Variants in ITGA9 observed in about 807,000 individuals in gnomAD.
ITGA9 encodes the protein integrin alpha-9.
A neutral mutation model predicts 127.8 loss-of-function variants in ITGA9; 56 were observed. The ratio of observed to expected loss-of-function variants is 0.44; its 90% confidence interval spans 0.35 to 0.55. ITGA9 has a LOEUF of 0.55. ITGA9 is among the 20% of genes least tolerant of loss of function. ITGA9 has a pLI of 0.00. For synonymous variants in ITGA9, 508 were observed against 514.5 expected, an observed-to-expected ratio of 0.99 and a Z score of 0.17; for missense variants, 1,196 against 1,347.1, an observed-to-expected ratio of 0.89 and a Z score of 1.76.
chr3:37,689,069 G>A (rs1423726988), intron 18 of ITGA9, among the ~76,000 whole-genome samples: 1 of 151,814 alleles, frequency 6.6e-6, no homozygotes, highest in Non-Finnish European at 1.5e-5. Context: ...TGGATGGGTG[G>A]GCGGGTAGGT....
intron 18 of ITGA9, among the ~76,000 whole-genome samples, chr3:37,730,683 C>T (rs1696279900): frequency 6.6e-6 from 1 of 152,158 alleles, no homozygotes; most frequent in Admixed American, 6.5e-5. Flanking sequence ...ACTCAGCTAC[C>T]CAGTGCATGC....
At chr3:37,561,110 A>G (rs1341359755) in intron 15 of ITGA9, among the ~76,000 whole-genome samples, 2 of 152,218 alleles carry the variant, frequency 1.3e-5, no homozygotes, top group Non-Finnish European at 2.9e-5. Context: ...ATACAGCCCC[A>G]TTCTGAGGTA....
intron 17 of ITGA9, among the ~76,000 whole-genome samples, chr3:37,675,185 G>GC (rs551519089): frequency 2.0e-5 from 3 of 152,272 alleles, no homozygotes; most frequent in Admixed American, 1.3e-4. Flanking sequence ...TAGATGTGCA[G>GC]CCCCCCGCCT....
At chr3:37,661,558 A>G (rs1056788973) in intron 17 of ITGA9, among the ~76,000 whole-genome samples, 1 of 152,226 alleles carries the variant, frequency 6.6e-6, no homozygotes. Flanking sequence ...GGAAGATACA[A>G]TCAGTTAAGT....
intron 23 of ITGA9, among the ~76,000 whole-genome samples, chr3:37,767,309 C>T (rs926491192): frequency 6.6e-6 from 1 of 152,192 alleles, no homozygotes; most frequent in Non-Finnish European, 1.5e-5. Flanking sequence ...CAGATTTGAT[C>T]TCAGTAACAC....
At chr3:37,461,058 G>A (rs1454461987) in intron 1 of ITGA9, among the ~76,000 whole-genome samples, 1 of 152,068 alleles carries the variant, frequency 6.6e-6, no homozygotes, top group Non-Finnish European at 1.5e-5. Context: ...TTGGTGTTGT[G>A]CAGTACACAC....
chr3:37,674,573 G>A (rs1331551406), intron 17 of ITGA9, among the ~76,000 whole-genome samples: 1 of 152,172 alleles, frequency 6.6e-6, no homozygotes, highest in African/African-American at 2.4e-5. Context: ...AACAAGGGTG[G>A]TATCTTGTGT....
At chr3:37,566,209 G>C (rs1699545662) in intron 15 of ITGA9, among the ~76,000 whole-genome samples, 1 of 152,232 alleles carries the variant, frequency 6.6e-6, no homozygotes, top group African/African-American at 2.4e-5. Flanking sequence ...GCCTGAAACT[G>C]TGGGTAGTCC....
chr3:37,739,455 C>T (rs575337805), intron 20 of ITGA9, among the ~76,000 whole-genome samples: 69 of 152,336 alleles, frequency 4.5e-4, no homozygotes, highest in Middle Eastern at 3.4e-3. Context: ...CCTGCTATGA[C>T]GGAAAGATCC....
At chr3:37,685,223 G>A (rs1451907026) in intron 18 of ITGA9, among the ~76,000 whole-genome samples, 4 of 152,152 alleles carry the variant, frequency 2.6e-5, no homozygotes, top group Non-Finnish European at 4.4e-5. Context: ...CCTCAATAGT[G>A]TTGACAGGTT....
intron 16 of ITGA9, among the ~76,000 whole-genome samples, chr3:37,653,352 A>G (rs888030376): frequency 1.3e-5 from 2 of 152,184 alleles, no homozygotes; most frequent in African/African-American, 4.8e-5. Context: ...TTCTTTACTC[A>G]ACTGGATTAT....
intron 15 of ITGA9, among the ~76,000 whole-genome samples, chr3:37,545,011 G>A (rs1699311559): frequency 6.6e-6 from 1 of 152,262 alleles, no homozygotes; most frequent in Non-Finnish European, 1.5e-5. Flanking sequence ...CACAGAGGAG[G>A]CAGCAGGCAC....
intron 23 of ITGA9, chr3:37,753,656 T>A (rs1186530382): frequency 6.6e-6 from 1 of 152,236 alleles, no homozygotes; most frequent in Non-Finnish European, 1.5e-5. Flanking sequence ...TTTGGCAGAA[T>A]GACAGAGAGT....
rs143150814 is a variant in ITGA9, at chr3:37,537,578, A to G, written c.1528+4110A>G. The stretch of plus-strand genomic sequence containing the variant: ...CAAACAATAATAATTAAGGTCCTAC[A>G]GAGTGCCAGACACCCTGCTTATCCT... On this transcript the variant is annotated intron_variant, in intron 14 of 27. Coordinates refer to ENST00000264741, the MANE Select transcript of ITGA9 (RefSeq NM_002207.3). Among the ~76,000 whole-genome samples, 9 of 152,352 alleles carry G rather than the reference A, an allele frequency of 5.9e-5. No individual in the cohort carries two copies. In the East Asian group the frequency reaches 1.7e-3, roughly 29 times the overall value.
chr3:37,786,221 A>G (rs1164466151), intron 26 of ITGA9, among the ~76,000 whole-genome samples: 2 of 152,232 alleles, frequency 1.3e-5, no homozygotes, highest in African/African-American at 4.8e-5. Flanking sequence ...TGATAAGTTT[A>G]TAATGATTTT....
intron 1 of ITGA9, among the ~76,000 whole-genome samples, chr3:37,459,301 T>G (rs1698292845): frequency 6.6e-6 from 1 of 152,230 alleles, no homozygotes; most frequent in Non-Finnish European, 1.5e-5. Flanking sequence ...GTTGGGTTGC[T>G]TATAAATGAC....
chr3:37,652,254 T>G (rs760241530), intron 16 of ITGA9, among the ~76,000 whole-genome samples: 9 of 152,174 alleles, frequency 5.9e-5, no homozygotes, highest in Non-Finnish European at 1.2e-4. Context: ...GCACCTTCCC[T>G]CTGTCCTCAA....
intron 16 of ITGA9, among the ~76,000 whole-genome samples, chr3:37,648,541 C>T (rs528835625): frequency 4.6e-5 from 7 of 152,056 alleles, no homozygotes; most frequent in East Asian, 3.9e-4. Context: ...GTAGGAGGAT[C>T]GCTTGAGCCC....
At chr3:37,728,705 C>T (rs192311554) in intron 18 of ITGA9, among the ~76,000 whole-genome samples, 1 of 151,702 alleles carries the variant, frequency 6.6e-6, no homozygotes, top group African/African-American at 2.4e-5. Flanking sequence ...CTTTTGTTGC[C>T]TCTCCCCACC....
Sources: gnomAD v4.1 joint callset for allele counts (sites outside exome capture counted in the v4.1 genomes callset) on GRCh38, gnomAD v4.1.1 for gene constraint, MANE v1.5 for transcripts, NCBI Gene and HGNC (gene_info 2026-07-23, HGNC 2026-07-21) for gene names.